The following HEY2 variants were observed in gnomAD, a reference collection of about 807,000 sequenced individuals.
The protein encoded by HEY2 is hes related family bHLH transcription factor with YRPW motif 2.
In HEY2, 10 loss-of-function variants were observed where a neutral mutation model predicts 18.1. The ratio of observed to expected loss-of-function variants is 0.55; its 90% confidence interval spans 0.34 to 0.94. The LOEUF (loss-of-function observed/expected upper bound fraction) is 0.94, where lower values mean the gene tolerates loss of function less well. Ranked by LOEUF, HEY2 falls within the 40% of genes least tolerant of loss-of-function variation. HEY2 has a pLI of 0.02. For missense variants in HEY2, 455 were observed against 455.9 expected, an observed-to-expected ratio of 1.00 and a Z score of 0.02; for synonymous variants, 210 against 182.7, an observed-to-expected ratio of 1.15 and a Z score of -1.21.
intron 4 of HEY2, among the ~76,000 whole-genome samples, chr6:125,756,522 G>A (rs372121891): frequency 9.9e-4 from 150 of 152,112 alleles, no homozygotes; most frequent in African/African-American, 3.5e-3. Flanking sequence ...AGCCGAGATC[G>A]CGCCATTGCA....
Position 125,759,644 on chromosome 6 carries a change from T to A in HEY2, c.856T>A (p.Phe286Ile). Residue 286 changes from phenylalanine (F) to isoleucine (I), a missense_variant, in exon 5 of 5, where the codon TTC (phenylalanine) becomes ATC (isoleucine). Phe to Ile is a conservative substitution (Grantham distance 21). Coordinates refer to ENST00000368364, the MANE Select transcript of HEY2 (RefSeq NM_012259.3). Reference protein sequence around the residue: ...HSFPLSFAGAFPMLPPNAAAA... With the variant: ...HSFPLSFAGAIPMLPPNAAAA... ...CTTCCCTCTGTCCTTCGCGGGGGCA[T>A]TCCCCATGCTTCCCCCAAACGCAGC... 3.7e-6 allele frequency: 6 copies of A among 1,611,280 alleles called. No homozygotes were observed. The highest frequency in any genetic ancestry group is 5.1e-6 in the Non-Finnish European group (6 of 1,179,946).
At position 125,759,470 on chromosome 6, in the gene HEY2, A is replaced by C. The variant is rs139750401; in HGVS notation, c.682A>C (p.Thr228Pro). The C allele has an allele frequency of 1.2e-6, 2 of 1,611,232 alleles. No individual in the cohort carries two copies. The highest frequency in any genetic ancestry group is 4.5e-5 in the East Asian group (2 of 44,872). Reference protein sequence around the residue: ...VPPAHGSALLTATFAHADSAL... With the variant: ...VPPAHGSALLPATFAHADSAL... The stretch of plus-strand genomic sequence containing the variant: ...TCCTGCCCACGGCTCTGCTCTCCTC[A>C]CGGCCACGTTTGCCCATGCGGATTC... Residue 228 changes from threonine to proline, a missense_variant, in exon 5 of 5, where the codon ACG becomes CCG. Coordinates refer to ENST00000368364, the MANE Select transcript of HEY2 (RefSeq NM_012259.3).
chr6:125,750,429 G>C (rs1811852), intron 1 of HEY2: 489,991 of 981,290 alleles, frequency 0.5, 126,835 homozygotes, highest in East Asian at 0.71. Flanking sequence ...TTGTTCTCAA[G>C]TCTGGAAGAG....
At chr6:125,757,757 T>C (rs1016117327) in intron 4 of HEY2, among the ~76,000 whole-genome samples, 1 of 152,234 alleles carries the variant, frequency 6.6e-6, no homozygotes, top group African/African-American at 2.4e-5. Flanking sequence ...TAGACCAGTC[T>C]GAGCAACATA....
rs570526419 is a variant in HEY2 at position 125,753,772 on chromosome 6, G to C, written c.247-693G>C. On this transcript the variant is annotated intron_variant, in intron 3 of 4. Coordinates refer to ENST00000368364, the MANE Select transcript of HEY2 (RefSeq NM_012259.3). ...TTTTAAAAGGTTCAAAAATCCTTAAGCATTTATGATGCTTCCTAGGTAAGC... is the reference window on the plus strand; with the variant it reads ...TTTTAAAAGGTTCAAAAATCCTTAACCATTTATGATGCTTCCTAGGTAAGC... 2.0e-5 allele frequency among the ~76,000 whole-genome samples: 3 copies of C among 152,226 alleles called. No individual in the cohort carries two copies. The South Asian group carries it at 6.2e-4, about 32-fold the overall frequency.
At chr6:125,754,153 G>C (rs1773605655) in intron 3 of HEY2, among the ~76,000 whole-genome samples, 1 of 152,158 alleles carries the variant, frequency 6.6e-6, no homozygotes, top group Non-Finnish European at 1.5e-5. Context: ...TGCAAAGTTT[G>C]AGATTTTTAC....
Position 125,749,805 on chromosome 6 carries a change from C to A in HEY2, c.29C>A (p.Ser10Tyr). The A allele has an allele frequency of 6.3e-7, 1 of 1,584,244 alleles. No individual in the cohort carries two copies. The highest frequency in any genetic ancestry group is 8.6e-7 in the Non-Finnish European group (1 of 1,165,892). MKRPCEETT[S>Y]ESDMDETIDV... ...AAGCGCCCCTGCGAGGAGACGACCT[C>A]CGAGAGCGACATGGACGAGACCATC... The change falls in exon 1 of 5, where the codon TCC becomes TAC. Residue 10 changes from serine to tyrosine, a missense_variant. By Grantham distance (144) the Ser-to-Tyr change is moderately radical. Coordinates refer to ENST00000368364, the MANE Select transcript of HEY2 (RefSeq NM_012259.3).
intron 4 of HEY2, among the ~76,000 whole-genome samples, chr6:125,758,471 A>AT (rs1326674213): frequency 6.6e-6 from 1 of 152,172 alleles, no homozygotes; most frequent in African/African-American, 2.4e-5. Flanking sequence ...TAAGAAACCA[A>AT]ATTTTTTTTA....
intron 3 of HEY2, among the ~76,000 whole-genome samples, chr6:125,753,928 A>G (rs536157803): frequency 2.0e-5 from 3 of 152,180 alleles, no homozygotes; most frequent in Non-Finnish European, 2.9e-5. Context: ...AGATCCAATT[A>G]TATGGTTCTA....
At position 125,751,849 on chromosome 6, in the gene HEY2, T is replaced by A. The variant is rs989603191; in HGVS notation, c.132T>A (p.Ser44=). The A allele has an allele frequency of 6.2e-7, 1 of 1,613,560 alleles. No individual in the cohort carries two copies. The highest frequency in any genetic ancestry group is 1.3e-5 in the African/African-American group (1 of 74,920). Residue 44 remains serine, a synonymous_variant, in exon 2 of 5, where the codon TCT becomes TCA. Coordinates refer to ENST00000368364, the MANE Select transcript of HEY2 (RefSeq NM_012259.3). ...VIRLNSPTTT[S]QIMARKKRRG... is the part of the protein sequence containing the mutation. Reference sequence around the variant, plus strand: ...GATTGAATTCTCCAACAACAACATCTCAGATTATGGCAAGAAAGAAAAGGA... The same window carrying A: ...GATTGAATTCTCCAACAACAACATCACAGATTATGGCAAGAAAGAAAAGGA...
In HEY2 at chr6:125,759,856, G is replaced by C. The variant is rs1773759621; in HGVS notation, c.*54G>C. On this transcript the variant is annotated 3_prime_UTR_variant, in exon 5 of 5. Transcript: ENST00000368364. ...CTGAATGTCCTCCATTTCAGAGTCAGCTTAAAACCTCTGCACCCTGAAGGT... is the reference window on the plus strand; with the variant it reads ...CTGAATGTCCTCCATTTCAGAGTCACCTTAAAACCTCTGCACCCTGAAGGT... 1 of 1,465,778 alleles carries C rather than the reference G, an allele frequency of 6.8e-7. No individual in the cohort carries two copies. The highest frequency in any genetic ancestry group is 1.4e-5 in the African/African-American group (1 of 71,920). The allele number at this position is 1,465,778 out of a possible 1,614,324, so 90.8% of individuals were successfully genotyped here. A position where few individuals can be genotyped will look rare whatever the true frequency, so the allele number is the denominator to read the frequency against.
At chr6:125,758,668 T>G (rs958299239) in intron 4 of HEY2, among the ~76,000 whole-genome samples, 3 of 152,216 alleles carry the variant, frequency 2.0e-5, no homozygotes, top group Non-Finnish European at 4.4e-5. Context: ...AGAGTAAAGA[T>G]GTTTCAGATA....
Position 125,749,837 on chromosome 6 carries a change from G to T in HEY2, c.61G>T (p.Gly21Trp). 6.3e-7 allele frequency: 1 copy of T among 1,583,168 alleles called. No homozygotes were observed. Among genetic ancestry groups the T allele is most frequent in the Non-Finnish European group, 8.6e-7 (1 of 1,165,274 alleles). ...CGACATGGACGAGACCATCGACGTG[G>T]GGAGCGAGAACAATTACTCGGGGTG... The part of the protein sequence containing the change: ...ESDMDETIDV[G>W]SENNYSGQST... Residue 21 changes from glycine (G) to tryptophan (W), a missense_variant, in exon 1 of 5, where the codon GGG becomes TGG. Gly to Trp is a radical substitution (Grantham distance 184). Transcript: ENST00000368364.
intron 3 of HEY2, among the ~76,000 whole-genome samples, chr6:125,752,440 A>AAAC (rs1243746555): frequency 7.2e-5 from 11 of 151,846 alleles, no homozygotes; most frequent in Middle Eastern, 6.8e-3. Flanking sequence ...AAAAAAAAAA[A>AAAC]AAACCATTTT....
chr6:125,759,456 G>A lies in HEY2; in HGVS notation c.668G>A (p.Gly223Asp). ...STTSEVPPAHGSALLTATFAH... is the reference protein window; with the variant it reads ...STTSEVPPAHDSALLTATFAH... ...ACTTCAGAAGTGCCTCCTGCCCACG[G>A]CTCTGCTCTCCTCACGGCCACGTTT... The change falls in exon 5 of 5, where the codon GGC becomes GAC. Residue 223 changes from glycine (G) to aspartate (D), a missense_variant. Gly to Asp is a moderately conservative substitution (Grantham distance 94, BLOSUM62 -1). Coordinates refer to ENST00000368364, the MANE Select transcript of HEY2 (RefSeq NM_012259.3). 6.2e-7 allele frequency: 1 copy of A among 1,611,598 alleles called. No homozygotes were observed. The highest frequency in any genetic ancestry group is 8.5e-7 in the Non-Finnish European group (1 of 1,179,970).
At chr6:125,758,559 G>A (rs1184670392) in intron 4 of HEY2, among the ~76,000 whole-genome samples, 1 of 152,130 alleles carries the variant, frequency 6.6e-6, no homozygotes, top group Non-Finnish European at 1.5e-5. Flanking sequence ...AAAAAACATT[G>A]TTAGTCAAGA....
chr6:125,757,134 C>G (rs551226420), intron 4 of HEY2, among the ~76,000 whole-genome samples: 1 of 152,260 alleles, frequency 6.6e-6, no homozygotes, highest in Admixed American at 6.5e-5. Flanking sequence ...CTTGGTATGA[C>G]AATAGTATCT....
Position 125,759,376 on chromosome 6 carries a change from G to C in HEY2, c.588G>C (p.Leu196=), listed in dbSNP as rs61737181. Residue 196 remains leucine, a synonymous_variant, in exon 5 of 5, where the codon CTG becomes CTC. Transcript: ENST00000368364. ...AAAFHHLPAA[L]LQPNGLHASE... is the part of the protein sequence containing the mutation. ...CCTTCCACCACCTGCCCGCAGCCCT[G>C]CTCCAGCCCAACGGCCTCCATGCCT... The C allele has an allele frequency of 0.094, 151,185 of 1,607,436 alleles. 8,136 individuals are homozygous for C. The highest frequency in any genetic ancestry group is 0.13 in the Middle Eastern group (804 of 6,042).
intron 4 of HEY2, among the ~76,000 whole-genome samples, chr6:125,755,959 A>ACAACATC (rs1773646419): frequency 6.6e-6 from 1 of 152,204 alleles, no homozygotes; most frequent in South Asian, 2.1e-4. Flanking sequence ...ATGTTAGGAT[A>ACAACATC]CTGATTGAAT....
Sources: allele counts gnomAD v4.1 joint callset (sites outside exome capture counted in the v4.1 genomes callset), GRCh38; gene constraint gnomAD v4.1.1; transcripts MANE v1.5; gene names NCBI Gene and HGNC (gene_info 2026-07-23, HGNC 2026-07-21).